Variants in DYSF observed in about 807,000 individuals in gnomAD.
DYSF encodes dystrophy-associated fer-1-like 1.
A neutral mutation model predicts 274.9 loss-of-function variants in DYSF; 212 were observed. The observed-to-expected ratio is 0.77, with a 90% CI of 0.69 to 0.86. The LOEUF is 0.86. Among genes scored for constraint, DYSF ranks in the 40% least tolerant of loss-of-function variants. The pLI is 0.00. For missense variants in DYSF, 2,666 were observed against 2,783.2 expected (o/e 0.96, Z 0.95); for synonymous variants, 1,091 against 1,078.7 (o/e 1.01, Z -0.22).
At chr2:71,499,520 C>G (rs549839597) in intron 3 of DYSF, among the ~76,000 whole-genome samples, 1 of 152,362 alleles carries the variant, frequency 6.6e-6, no homozygotes, top group East Asian at 1.9e-4. Context: ...GATTCCCACC[C>G]TCCCACATGC....
intron 24 of DYSF, among the ~76,000 whole-genome samples, chr2:71,567,226 A>G (rs941201229): frequency 1.3e-5 from 2 of 152,200 alleles, no homozygotes; most frequent in Non-Finnish European, 2.9e-5. Flanking sequence ...AAGTTTCAGG[A>G]AAAAAAGCAG....
intron 41 of DYSF, among the ~76,000 whole-genome samples, chr2:71,643,452 A>G (rs1338949978): frequency 6.6e-6 from 1 of 152,166 alleles, no homozygotes; most frequent in Non-Finnish European, 1.5e-5. Flanking sequence ...TTAAGTGCTG[A>G]TTTCCAATGC....
At chr2:71,571,784 G>A (rs1429021007) in intron 29 of DYSF, among the ~76,000 whole-genome samples, 29 of 127,082 alleles carry the variant, frequency 2.3e-4, no homozygotes, top group Admixed American at 2.1e-3. Context: ...CACACACACA[G>A]ATCACACCCA....
intron 17 of DYSF, among the ~76,000 whole-genome samples, chr2:71,543,872 CCG>C (rs1424719062): frequency 7.1e-6 from 1 of 141,662 alleles, no homozygotes; most frequent in African/African-American, 2.8e-5. Context: ...GAGAGGGAGA[CCG>C]TGGGGAGAGG....
intron 30 of DYSF, among the ~76,000 whole-genome samples, chr2:71,585,325 C>T (rs4852808): frequency 0.66 from 100,669 of 152,100 alleles, 33,817 homozygotes; most frequent in East Asian, 0.81. Flanking sequence ...TTCAACAGGT[C>T]GGGCAGGGAT....
chr2:71,543,358 A>G (rs1453875659), intron 17 of DYSF, among the ~76,000 whole-genome samples: 2 of 139,208 alleles, frequency 1.4e-5, no homozygotes, highest in Admixed American at 7.2e-5. Flanking sequence ...CCGGGAAGAG[A>G]CGCTCCTCAC....
chr2:71,616,907 C>T (rs933714816), intron 40 of DYSF, among the ~76,000 whole-genome samples: 6 of 151,976 alleles, frequency 3.9e-5, no homozygotes, highest in African/African-American at 1.4e-4. Flanking sequence ...GGCCTTTGTT[C>T]ACTAGTTGTT....
At chr2:71,554,514 T>TATGCAAG (rs2091202389) in intron 21 of DYSF, among the ~76,000 whole-genome samples, 1 of 151,586 alleles carries the variant, frequency 6.6e-6, no homozygotes, top group African/African-American at 2.4e-5. Flanking sequence ...GTGAGGGGGC[T>TATGCAAG]GTGTCCAGTG....
chr2:71,612,183 G>A (rs2093778063), intron 38 of DYSF, among the ~76,000 whole-genome samples: 1 of 152,216 alleles, frequency 6.6e-6, no homozygotes, highest in Non-Finnish European at 1.5e-5. Context: ...CCTCTTGGCC[G>A]AGCCAAAGCC....
chr2:71,571,324 A>G (rs1369849648), intron 29 of DYSF, among the ~76,000 whole-genome samples: 1 of 147,014 alleles, frequency 6.8e-6, no homozygotes, highest in Non-Finnish European at 1.5e-5. Flanking sequence ...CACACCCAGC[A>G]CACGCACAGC....
intron 32 of DYSF, among the ~76,000 whole-genome samples, chr2:71,598,123 G>A (rs953525043): frequency 6.6e-6 from 1 of 152,238 alleles, no homozygotes; most frequent in South Asian, 2.1e-4. Flanking sequence ...GTTAGCTTGT[G>A]TGGATATTTT....
At chr2:71,486,473 C>T (rs1289276379) in intron 3 of DYSF, among the ~76,000 whole-genome samples, 1 of 152,154 alleles carries the variant, frequency 6.6e-6, no homozygotes, top group Non-Finnish European at 1.5e-5. Context: ...ATCCTCACCG[C>T]CACTGTCCTC....
chr2:71,642,164 CCTGAGTTATAAACTCAA>C (rs2094496872), intron 41 of DYSF, among the ~76,000 whole-genome samples: 1 of 152,144 alleles, frequency 6.6e-6, no homozygotes, highest in Non-Finnish European at 1.5e-5. Flanking sequence ...TGACTCTGAG[CCTGAGTTATAAACTCAA>C]ACCTTTAAGT....
rs28500662 is a variant in DYSF at position 71,516,112 on chromosome 2, G to A, written c.889-68G>A. The A allele has an allele frequency of 0.041, 61,281 of 1,491,824 alleles. 1,438 individuals carry two copies. The highest frequency in any genetic ancestry group is 0.057 in the Middle Eastern group (329 of 5,822). 92.4% of individuals were successfully genotyped at this position (1,491,824 alleles called of 1,614,324 possible). On this transcript the variant is annotated intron_variant, in intron 8 of 55. Transcript: ENST00000410020. ...TAGGCGTGGAGGCTTGGGGGTGGTGGTCCTCCCTCTCCCTGGCCTGAGGGA... is the reference window on the plus strand; with the variant it reads ...TAGGCGTGGAGGCTTGGGGGTGGTGATCCTCCCTCTCCCTGGCCTGAGGGA...
At chr2:71,605,923 G>A (rs2093638313) in intron 36 of DYSF, among the ~76,000 whole-genome samples, 1 of 152,092 alleles carries the variant, frequency 6.6e-6, no homozygotes, top group South Asian at 2.1e-4. Flanking sequence ...GCAGACAATG[G>A]AGCCCTCCCA....
chr2:71,550,908 T>G, intron 17 of DYSF, 133 bp from the exon 18 acceptor site: 1 of 740,816 alleles, frequency 1.3e-6, no homozygotes, highest in Non-Finnish European at 2.4e-6. Context: ...CTTTATACAC[T>G]GACAGGAGCT....
Position 71,569,919 on chromosome 2 carries a change from C to T in DYSF, c.2964C>T (p.Asp988=), listed in dbSNP as rs1365331643. 4.3e-6 allele frequency: 7 copies of T among 1,613,916 alleles called. No homozygotes were observed. In the South Asian group the frequency reaches 5.5e-5, roughly 13 times the overall value. Residue 988 remains aspartate (D), a synonymous_variant, in exon 27 of 56, where the codon GAC becomes GAT. Coordinates refer to ENST00000410020, the MANE Select transcript of DYSF (RefSeq NM_001130987.2). ...GAGGCCAGTGGATCTACATGAGTGA[C>T]AACTACACCGATGTGGTAAAGCAGG... ...LPGGQWIYMS[D]NYTDVNGEKV...
At chr2:71,535,245 A>G in intron 15 of DYSF, 23 bp from the exon 16 acceptor site, 1 of 1,613,420 alleles carries the variant, frequency 6.2e-7, no homozygotes, top group Non-Finnish European at 8.5e-7. Context: ...TCTTCTCCCA[A>G]CACGCCTCTA....
chr2:71,618,701 TAGAGATG>T (rs1260226386), intron 40 of DYSF, among the ~76,000 whole-genome samples: 37 of 147,396 alleles, frequency 2.5e-4, no homozygotes, highest in Non-Finnish European at 4.2e-4. Context: ...GTGTGCGTGG[TAGAGATG>T]GTGTGTGTGG....
Sources: allele counts gnomAD v4.1 joint callset (sites outside exome capture counted in the v4.1 genomes callset), GRCh38; gene constraint gnomAD v4.1.1; transcripts MANE v1.5; gene names NCBI Gene and HGNC (gene_info 2026-07-23, HGNC 2026-07-21).